Variants in NCAM2 observed in about 807,000 individuals in gnomAD.
NCAM2 encodes the protein N-CAM-2.
In NCAM2, 30 loss-of-function variants were observed where a neutral mutation model predicts 98.1. The observed-to-expected ratio is 0.31, with a 90% confidence interval of 0.23 to 0.41. NCAM2 has a LOEUF of 0.41. Ranked by LOEUF, NCAM2 falls within the 10% of genes least tolerant of loss-of-function variation. The pLI is 1.00. For missense variants in NCAM2, 867 were observed against 1,005.8 expected, an observed-to-expected ratio of 0.86 and a Z score of 1.87; for synonymous variants, 368 against 342.4, an observed-to-expected ratio of 1.07 and a Z score of -0.83.
At chr21:21,173,245 G>A (rs2068179262) in intron 1 of NCAM2, among the ~76,000 whole-genome samples, 2 of 152,080 alleles carry the variant, frequency 1.3e-5, no homozygotes, top group African/African-American at 4.8e-5. Flanking sequence ...CTAATTCATT[G>A]GTGTTCATTG....
At chr21:21,504,986 A>G (rs919172879) in intron 15 of NCAM2, among the ~76,000 whole-genome samples, 1 of 151,948 alleles carries the variant, frequency 6.6e-6, no homozygotes, top group South Asian at 2.1e-4. Context: ...ATTATTGACT[A>G]TAGTCATCCT....
At chr21:21,304,085 G>T (rs2147665646) in intron 5 of NCAM2, among the ~76,000 whole-genome samples, 1 of 152,108 alleles carries the variant, frequency 6.6e-6, no homozygotes, top group East Asian at 1.9e-4. Context: ...TTTAACCACT[G>T]CCTTTCAGTG....
intron 1 of NCAM2, among the ~76,000 whole-genome samples, chr21:21,172,252 T>A (rs994924049): frequency 3.9e-5 from 6 of 152,084 alleles, no homozygotes; most frequent in African/African-American, 4.8e-5. Context: ...CCAAAAATTT[T>A]AAAAAAGTTT....
intron 11 of NCAM2, among the ~76,000 whole-genome samples, chr21:21,419,187 C>A (rs910003373): frequency 1.3e-5 from 2 of 151,884 alleles, no homozygotes; most frequent in Admixed American, 1.3e-4. Context: ...AAACTTCAAA[C>A]CATTGTATCT....
chr21:21,079,423 A>G (rs1022047726), intron 1 of NCAM2, among the ~76,000 whole-genome samples: 4 of 152,216 alleles, frequency 2.6e-5, no homozygotes, highest in Non-Finnish European at 5.9e-5. Context: ...TCAGGAATTT[A>G]TATCTAGGGG....
At chr21:21,263,604 A>G (rs982670350) in intron 1 of NCAM2, among the ~76,000 whole-genome samples, 21 of 152,158 alleles carry the variant, frequency 1.4e-4, no homozygotes, top group African/African-American at 4.6e-4. Flanking sequence ...CCTGACTTCA[A>G]ACTATACCAC....
chr21:21,195,284 G>C (rs1368023318), intron 1 of NCAM2, among the ~76,000 whole-genome samples: 1 of 152,080 alleles, frequency 6.6e-6, no homozygotes, highest in Non-Finnish European at 1.5e-5. Context: ...ATGGAATAAA[G>C]GGGAAAAATC....
At chr21:21,314,576 G>C (rs116118653) in intron 5 of NCAM2, among the ~76,000 whole-genome samples, 1 of 151,976 alleles carries the variant, frequency 6.6e-6, no homozygotes, top group Non-Finnish European at 1.5e-5. Context: ...ATTTTGTCCT[G>C]GTCGTCTTTC....
rs372679606 is a variant in NCAM2, at chr21:21,537,942, C to A, written c.2499C>A (p.Asp833Glu). ...VSNDIIQSKE[D>E]DSKA ...ACGACATCATTCAATCAAAAGAAGA[C>A]GACAGCAAAGCATAACAACAATATT... is the stretch of plus-strand genomic sequence containing the variant. The change falls in exon 18 of 18, where the codon GAC (aspartate) becomes GAA (glutamate). Residue 833 changes from aspartate to glutamate, a missense_variant. Asp to Glu is a conservative substitution (Grantham distance 45, BLOSUM62 2). This residue lies in a region of NCAM2 where 125 missense variants were observed against 116.1 expected (regional missense o/e 1.08). Transcript: ENST00000400546. The A allele has an allele frequency of 1.9e-6, 3 of 1,546,732 alleles. No homozygotes were observed. Among genetic ancestry groups the A allele is most frequent in the Non-Finnish European group, 1.8e-6 (2 of 1,139,470 alleles).
intron 1 of NCAM2, among the ~76,000 whole-genome samples, chr21:21,252,303 A>C (rs1483776519): frequency 6.6e-6 from 1 of 151,160 alleles, no homozygotes; most frequent in Admixed American, 6.6e-5. Context: ...GTATCCCTGA[A>C]TCAAACTTTA....
chr21:21,211,224 T>G (rs1473843160), intron 1 of NCAM2, among the ~76,000 whole-genome samples: 1 of 152,214 alleles, frequency 6.6e-6, no homozygotes, highest in Non-Finnish European at 1.5e-5. Flanking sequence ...CCATTTCATC[T>G]AAAAAGCACA....
intron 1 of NCAM2, among the ~76,000 whole-genome samples, chr21:21,216,917 A>T (rs2069926459): frequency 6.6e-6 from 1 of 152,196 alleles, no homozygotes; most frequent in Non-Finnish European, 1.5e-5. Flanking sequence ...CTCCTGGTTG[A>T]AGCAGGTAGC....
chr21:21,039,958 T>G (rs1400232331), intron 1 of NCAM2, among the ~76,000 whole-genome samples: 1 of 152,194 alleles, frequency 6.6e-6, no homozygotes, highest in Non-Finnish European at 1.5e-5. Context: ...GAGGGGACTC[T>G]GTGATGAGTA....
chr21:21,139,531 A>G (rs1252165819), intron 1 of NCAM2, among the ~76,000 whole-genome samples: 2 of 152,242 alleles, frequency 1.3e-5, no homozygotes, highest in Non-Finnish European at 1.5e-5. Context: ...GAAAATTAAT[A>G]TACAAACTAA....
chr21:21,051,509 T>C (rs2065107796), intron 1 of NCAM2, among the ~76,000 whole-genome samples: 2 of 152,214 alleles, frequency 1.3e-5, no homozygotes, highest in South Asian at 2.1e-4. Context: ...GAACAAAATA[T>C]GAAACAAACT....
chr21:21,324,437 G>A lies in NCAM2; in HGVS notation c.674G>A (p.Gly225Glu), dbSNP rs1373254072. Reference sequence around the variant, plus strand: ...TCTTTTAATGCCACAGCAGAGAGAGGAGAAGAAATGACATTTTCCTGCAGG... The same window carrying A: ...TCTTTTAATGCCACAGCAGAGAGAGAAGAAGAAATGACATTTTCCTGCAGG... ...QKSFNATAER[G>E]EEMTFSCRAS... Residue 225 changes from glycine (G) to glutamate (E), a missense_variant, in exon 6 of 18, where the codon GGA (glycine) becomes GAA (glutamate). Transcript: ENST00000400546. 1 of 1,613,656 alleles carries A rather than the reference G, an allele frequency of 6.2e-7. No homozygotes were observed. Among genetic ancestry groups the A allele is most frequent in the African/African-American group, 1.3e-5 (1 of 74,908 alleles).
chr21:21,456,959 A>G (rs1447118547), intron 12 of NCAM2, among the ~76,000 whole-genome samples: 1 of 152,192 alleles, frequency 6.6e-6, no homozygotes, highest in Non-Finnish European at 1.5e-5. Context: ...TCTCTTGTTT[A>G]TAAGCCACTT....
In NCAM2 at chr21:21,187,462, C is replaced by CAACA. The variant is rs545595481; in HGVS notation, c.56-93114_56-93113insCAAA. ...CCATCAACAACAACAACAACAACAA[C>CAACA]AAAAAAGGGAAATTCTATGTCATTC... On this transcript the variant is annotated intron_variant, in intron 1 of 17. Transcript: ENST00000400546. Among the ~76,000 whole-genome samples the CAACA allele has an allele frequency of 1.3e-4, 19 of 151,302 alleles. No homozygotes were observed. The East Asian group carries it at 2.5e-3, about 20-fold the overall frequency.
At chr21:21,215,468 C>T (rs1048464283) in intron 1 of NCAM2, among the ~76,000 whole-genome samples, 2 of 152,002 alleles carry the variant, frequency 1.3e-5, no homozygotes, top group Non-Finnish European at 2.9e-5. Context: ...GCCTGTAATC[C>T]CAGCACTTTG....
Sources: allele counts gnomAD v4.1 joint callset (sites outside exome capture counted in the v4.1 genomes callset), GRCh38; gene constraint gnomAD v4.1.1; regional missense constraint gnomAD v4.1.1; transcripts MANE v1.5; gene names NCBI Gene and HGNC (gene_info 2026-07-23, HGNC 2026-07-21).